PRKN: variants seen among roughly 807,000 people sequenced by gnomAD.
PRKN encodes parkin RBR E3 ubiquitin protein ligase.
PRKN carries 56 observed loss-of-function variants against 59.5 expected under a neutral mutation model. The ratio of observed to expected loss-of-function variants is 0.94; its 90% confidence interval spans 0.76 to 1.18. The LOEUF (loss-of-function observed/expected upper bound fraction) is 1.18. Among genes scored for constraint, PRKN ranks in the 50% most tolerant of loss-of-function variants. The pLI is 0.00. For missense variants in PRKN, 657 were observed against 596.4 expected (o/e 1.10, Z -1.06); for synonymous variants, 250 against 222.1 (o/e 1.13, Z -1.12).
intron 7 of PRKN, among the ~76,000 whole-genome samples, chr6:161,577,298 G>A (rs550761744): frequency 3.3e-5 from 5 of 152,272 alleles, no homozygotes; most frequent in East Asian, 3.9e-4. Flanking sequence ...CATCAAAGCC[G>A]GGTAGTGTGT....
intron 6 of PRKN, among the ~76,000 whole-genome samples, chr6:161,811,229 A>T (rs1791544719): frequency 6.6e-6 from 1 of 152,206 alleles, no homozygotes; most frequent in Admixed American, 6.5e-5. Flanking sequence ...AACTAGGCCA[A>T]TCAATTGTCA....
At chr6:161,808,109 A>G (rs556267696) in intron 6 of PRKN, among the ~76,000 whole-genome samples, 1 of 152,336 alleles carries the variant, frequency 6.6e-6, no homozygotes, top group South Asian at 2.1e-4. Flanking sequence ...ACCATTGCAT[A>G]GCTCAGGCAG....
chr6:161,987,489 T>C (rs527828724), intron 5 of PRKN, among the ~76,000 whole-genome samples: 165 of 152,326 alleles, frequency 1.1e-3, no homozygotes, highest in Non-Finnish European at 1.9e-3. Context: ...TGATATAACA[T>C]GGTGTAGTAT....
intron 6 of PRKN, among the ~76,000 whole-genome samples, chr6:161,946,066 A>C (rs1035571162): frequency 2.0e-5 from 3 of 152,144 alleles, no homozygotes. Flanking sequence ...TGCTTAATAA[A>C]TATTTTTTAA....
chr6:161,401,936 C>T lies in PRKN; in HGVS notation c.1084-15059G>A, dbSNP rs1291341117. ...ATCTCTGGAGCGGAAGCCGTTAATG[C>T]TTCTACTTATATTCTTAAGGCCTCT... On this transcript the variant is annotated intron_variant, in intron 9 of 11. Coordinates refer to ENST00000366898, the MANE Select transcript of PRKN (RefSeq NM_004562.3). The surrounding 1 kb of genome is among the most constrained non-coding windows in gnomAD (Gnocchi z 4.4). Among the ~76,000 whole-genome samples the T allele has an allele frequency of 6.6e-6, 1 of 152,208 alleles. No homozygotes were observed. The highest frequency in any genetic ancestry group is 2.4e-5 in the African/African-American group (1 of 41,448).
intron 2 of PRKN, among the ~76,000 whole-genome samples, chr6:162,284,330 T>C (rs1279776475): frequency 6.7e-6 from 1 of 149,328 alleles, no homozygotes; most frequent in Non-Finnish European, 1.5e-5. Context: ...GTTCAAGTGA[T>C]TCTCTTGCCT....
chr6:161,956,145 C>T (rs961127552), intron 6 of PRKN, among the ~76,000 whole-genome samples: 1 of 152,150 alleles, frequency 6.6e-6, no homozygotes. Flanking sequence ...TTTTCACAAC[C>T]TTTTGAAGAA....
chr6:161,998,560 T>A (rs1781930358), intron 5 of PRKN, among the ~76,000 whole-genome samples: 1 of 152,158 alleles, frequency 6.6e-6, no homozygotes, highest in African/African-American at 2.4e-5. Flanking sequence ...CATCCAGTTA[T>A]CCTAGTTACA....
intron 4 of PRKN, among the ~76,000 whole-genome samples, chr6:162,191,912 G>T (rs1225063614): frequency 6.6e-6 from 1 of 152,096 alleles, no homozygotes; most frequent in African/African-American, 2.4e-5. Flanking sequence ...GTCCTGATGG[G>T]TTTATCTGCT....
intron 7 of PRKN, among the ~76,000 whole-genome samples, chr6:161,652,456 T>C (rs983076079): frequency 6.6e-6 from 1 of 152,346 alleles, no homozygotes; most frequent in African/African-American, 2.4e-5. Context: ...TATAGTATTA[T>C]ATTTATATAA....
chr6:162,361,680 A>C (rs1180255293), intron 2 of PRKN, among the ~76,000 whole-genome samples: 8 of 152,208 alleles, frequency 5.3e-5, no homozygotes, highest in Admixed American at 1.3e-4. Flanking sequence ...AAAAAAAGCC[A>C]CATTGATTTT....
At position 162,458,143 on chromosome 6, in the gene PRKN, T is replaced by A. The variant is rs566593334; in HGVS notation, c.8-14670A>T. On this transcript the variant is annotated intron_variant, in intron 1 of 11. Transcript: ENST00000366898. ...GTGGCACACACCTGTAATCCCCAGC[T>A]ACTTAGGAGGCTGAGACAGGGAGAA... is the stretch of plus-strand genomic sequence containing the variant. Among the ~76,000 whole-genome samples the A allele has an allele frequency of 3.6e-5, 5 of 139,500 alleles. 1 individual carries two copies. The East Asian group carries it at 5.9e-4, about 16-fold the overall frequency. 91.5% of individuals were successfully genotyped at this position (139,500 alleles called of 152,430 possible). A position where few individuals can be genotyped will look rare whatever the true frequency, so the allele number is the denominator to read the frequency against.
At chr6:162,006,022 G>C (rs1402842004) in intron 5 of PRKN, among the ~76,000 whole-genome samples, 1 of 151,918 alleles carries the variant, frequency 6.6e-6, no homozygotes, top group African/African-American at 2.4e-5. Context: ...ACTAAAAATT[G>C]CTATCTTATT....
At chr6:162,626,767 T>C (rs1428880039) in intron 1 of PRKN, among the ~76,000 whole-genome samples, 1 of 148,818 alleles carries the variant, frequency 6.7e-6, no homozygotes, top group Non-Finnish European at 1.5e-5. Flanking sequence ...TGAGCCAAGA[T>C]CATGCCACTG....
chr6:162,629,479 T>A (rs1783021757), intron 1 of PRKN, among the ~76,000 whole-genome samples: 1 of 152,138 alleles, frequency 6.6e-6, no homozygotes, highest in Non-Finnish European at 1.5e-5. Flanking sequence ...TTCGTATTTT[T>A]AAAAGAGTCA....
chr6:161,913,057 A>C (rs1366018864), intron 6 of PRKN, among the ~76,000 whole-genome samples: 1 of 151,630 alleles, frequency 6.6e-6, no homozygotes, highest in Non-Finnish European at 1.5e-5. Context: ...AGGCACCTGT[A>C]ATCCTCCCAG....
chr6:162,598,095 T>C (rs961007093), intron 1 of PRKN, among the ~76,000 whole-genome samples: 1 of 152,194 alleles, frequency 6.6e-6, no homozygotes, highest in African/African-American at 2.4e-5. Context: ...GAGATCAAAA[T>C]CACCATCTGT....
intron 5 of PRKN, among the ~76,000 whole-genome samples, chr6:162,014,677 A>C (rs1782867052): frequency 1.3e-5 from 2 of 152,092 alleles, no homozygotes; most frequent in Admixed American, 6.6e-5. Context: ...TAACTCATTA[A>C]GGGCTTGTTG....
At chr6:162,112,433 A>G (rs563544610) in intron 4 of PRKN, among the ~76,000 whole-genome samples, 1 of 152,330 alleles carries the variant, frequency 6.6e-6, no homozygotes, top group South Asian at 2.1e-4. Context: ...ACCACATATT[A>G]AAAAAGATAA....
Sources: allele counts gnomAD v4.1 joint callset (sites outside exome capture counted in the v4.1 genomes callset), GRCh38; gene constraint gnomAD v4.1.1; non-coding constraint Gnocchi (gnomAD v3.1); transcripts MANE v1.5; gene names NCBI Gene and HGNC (gene_info 2026-07-23, HGNC 2026-07-21).